TLK1: variants seen among roughly 807,000 people sequenced by gnomAD.
TLK1 encodes the protein serine/threonine-protein kinase tousled-like 1.
TLK1 carries 24 observed loss-of-function variants against 105.3 expected under a neutral mutation model. The ratio of observed to expected loss-of-function variants is 0.23; its 90% confidence interval spans 0.17 to 0.32. TLK1 has a LOEUF of 0.32. TLK1 is among the 10% of genes least tolerant of loss of function. The pLI, the probability that TLK1 is intolerant of heterozygous loss-of-function variation, is 1.00. For missense variants in TLK1, 558 were observed against 910.5 expected, an observed-to-expected ratio of 0.61 and a Z score of 4.98; for synonymous variants, 321 against 310.4, an observed-to-expected ratio of 1.03 and a Z score of -0.36.
At chr2:171,192,656 G>T (rs1693178065) in intron 1 of TLK1, among the ~76,000 whole-genome samples, 1 of 151,930 alleles carries the variant, frequency 6.6e-6, no homozygotes, top group African/African-American at 2.4e-5. Context: ...CTCCAGCCTG[G>T]GTGACAGAGT....
chr2:171,072,772 G>T (rs1688320846), intron 3 of TLK1, among the ~76,000 whole-genome samples: 1 of 147,866 alleles, frequency 6.8e-6, no homozygotes, highest in Admixed American at 6.7e-5. Context: ...CCATCTCAAA[G>T]AAAAAAAAAT....
At chr2:171,059,852 A>T (rs1274715133) in intron 4 of TLK1, 4 of 823,290 alleles carry the variant, frequency 4.9e-6, no homozygotes, top group Non-Finnish European at 8.6e-6. Flanking sequence ...CACTCCTATG[A>T]GAATCTAACG....
In TLK1 at chr2:171,169,077, C is replaced by CA. The variant is rs773371386; in HGVS notation, c.-5-51221dup. Among the ~76,000 whole-genome samples, 911 of 130,100 alleles carry CA rather than the reference C, an allele frequency of 7.0e-3. 5 individuals carry two copies. Among genetic ancestry groups the CA allele is most frequent in the African/African-American group, 0.013 (477 of 35,358 alleles). The allele number at this position is 130,100 out of a possible 152,430, so 85.4% of individuals were successfully genotyped here. On this transcript the variant is annotated intron_variant, in intron 1 of 20. Transcript: ENST00000521943. ...TGGGCAACAGAGTGAGACCCTTTCT[C>CA]AAAAAAAAAAAAAAATTTGTTTTTT...
intron 1 of TLK1, among the ~76,000 whole-genome samples, chr2:171,148,890 A>AAAAAAAAAAAAATAT (rs1445171800): frequency 3.6e-5 from 5 of 138,466 alleles, no homozygotes; most frequent in African/African-American, 1.1e-4. Flanking sequence ...AAAAAAAAAA[A>AAAAAAAAAAAAATAT]ATATATATAT....
rs1026025645 is a variant in TLK1 at position 171,015,731 on chromosome 2, A to C, written c.1237-783T>G. On this transcript the variant is annotated intron_variant, in intron 12 of 20. Coordinates refer to ENST00000431350, the MANE Select transcript of TLK1 (RefSeq NM_012290.5). ...CACACACACACACACACACACACAC[A>C]CCCACCCCTTTTTTGTCAATACAAA... Among the ~76,000 whole-genome samples the C allele has an allele frequency of 1.1e-3, 4 of 3,650 alleles. No homozygotes were observed. The South Asian group carries it at 0.041, about 37-fold the overall frequency. The allele number at this position is 3,650 out of a possible 152,430, so 2.4% of individuals were successfully genotyped here. A position where few individuals can be genotyped will look rare whatever the true frequency, so the allele number is the denominator to read the frequency against.
At chr2:171,023,006 A>C (rs1685598952) in intron 12 of TLK1, 1 of 468,178 alleles carries the variant, frequency 2.1e-6, no homozygotes. Flanking sequence ...ACCTGTAAAG[A>C]TTTCATCATG....
chr2:171,004,732 C>T (rs543853024), intron 18 of TLK1, among the ~76,000 whole-genome samples: 3 of 151,710 alleles, frequency 2.0e-5, no homozygotes, highest in South Asian at 4.2e-4. Flanking sequence ...TACCAAGATG[C>T]TTTGTTTTTG....
intron 1 of TLK1, among the ~76,000 whole-genome samples, chr2:171,119,807 TA>T (rs1194999502): frequency 1.3e-5 from 2 of 152,076 alleles, no homozygotes; most frequent in African/African-American, 2.4e-5. Flanking sequence ...TTTAACCATA[TA>T]AAAAAATTAA....
At chr2:171,204,698 C>T (rs1008591862) in intron 1 of TLK1, among the ~76,000 whole-genome samples, 1 of 152,268 alleles carries the variant, frequency 6.6e-6, no homozygotes, top group Admixed American at 6.5e-5. Flanking sequence ...GTGGTTCACG[C>T]CTGTAATCCC....
At chr2:171,034,468 A>C (rs765352250) in intron 11 of TLK1, among the ~76,000 whole-genome samples, 2 of 152,248 alleles carry the variant, frequency 1.3e-5, no homozygotes, top group Non-Finnish European at 2.9e-5. Context: ...ACTTATACTA[A>C]GTAAAAGCCA....
chr2:171,066,974 A>T, intron 3 of TLK1: 2 of 1,533,164 alleles, frequency 1.3e-6, no homozygotes, highest in Non-Finnish European at 1.8e-6. Flanking sequence ...TGCTTGTAAT[A>T]GTCAAATTCA....
intron 1 of TLK1, chr2:171,155,587 T>C (rs1692202207): frequency 6.6e-6 from 1 of 152,338 alleles, no homozygotes; most frequent in Admixed American, 6.5e-5. Context: ...ACAGAATGTT[T>C]ACATTTTTAA....
At chr2:171,017,693 T>C (rs1181357129) in intron 12 of TLK1, among the ~76,000 whole-genome samples, 1 of 152,174 alleles carries the variant, frequency 6.6e-6, no homozygotes, top group Non-Finnish European at 1.5e-5. Context: ...ATGACAAATA[T>C]GTCCCATAAA....
chr2:171,196,699 G>A (rs1030699701), intron 1 of TLK1, among the ~76,000 whole-genome samples: 6 of 152,074 alleles, frequency 3.9e-5, no homozygotes, highest in Non-Finnish European at 5.9e-5. Context: ...GTTTGCAAGG[G>A]AAATACAAAA....
chr2:171,113,824 T>G (rs1243421162), intron 2 of TLK1, among the ~76,000 whole-genome samples: 1 of 152,150 alleles, frequency 6.6e-6, no homozygotes, highest in East Asian at 1.9e-4. Flanking sequence ...CTGTAGAATA[T>G]CTTTATGGTC....
intron 1 of TLK1, among the ~76,000 whole-genome samples, chr2:171,151,043 A>G (rs1692009990): frequency 6.6e-6 from 1 of 151,106 alleles, no homozygotes; most frequent in Middle Eastern, 3.2e-3. Context: ...TTTTTTTTAG[A>G]CAAGGCCTCA....
intron 3 of TLK1, among the ~76,000 whole-genome samples, chr2:171,071,511 T>A (rs1224316240): frequency 2.6e-5 from 4 of 152,100 alleles, no homozygotes; most frequent in African/African-American, 9.7e-5. Flanking sequence ...ATGGTCTCCA[T>A]CTCCTGACAT....
intron 3 of TLK1, among the ~76,000 whole-genome samples, chr2:171,062,877 C>T (rs150735031): frequency 6.6e-6 from 1 of 152,286 alleles, no homozygotes; most frequent in Non-Finnish European, 1.5e-5. Flanking sequence ...TTAAAGAAAT[C>T]CACCCTAACT....
chr2:171,176,595 A>C (rs923070751), intron 1 of TLK1, among the ~76,000 whole-genome samples: 1 of 152,226 alleles, frequency 6.6e-6, no homozygotes, highest in African/African-American at 2.4e-5. Context: ...GCTACGCATT[A>C]AAAGCATATT....
Sources: allele counts gnomAD v4.1 joint callset (sites outside exome capture counted in the v4.1 genomes callset), GRCh38; gene constraint gnomAD v4.1.1; transcripts MANE v1.5; gene names NCBI Gene and HGNC (gene_info 2026-07-23, HGNC 2026-07-21).